Variants in IMMP2L observed in about 807,000 individuals in gnomAD.
IMMP2L encodes the protein inner mitochondrial membrane peptidase subunit 2.
IMMP2L carries 18 observed loss-of-function variants against 19.3 expected under a neutral mutation model. That is an observed-to-expected ratio of 0.93 (90% CI 0.64 to 1.38). The LOEUF is 1.38. Ranked by LOEUF, IMMP2L falls within the 40% of genes most tolerant of loss-of-function variation. The pLI is 0.00. For synonymous variants in IMMP2L, 76 were observed against 73.0 expected, an observed-to-expected ratio of 1.04 and a Z score of -0.21; for missense variants, 233 against 218.2, an observed-to-expected ratio of 1.07 and a Z score of -0.43.
At chr7:110,703,056 A>ACTATAATGTTG (rs1293791353) in intron 5 of IMMP2L, among the ~76,000 whole-genome samples, 1 of 152,206 alleles carries the variant, frequency 6.6e-6, no homozygotes, top group Non-Finnish European at 1.5e-5. Flanking sequence ...ATCATGATTA[A>ACTATAATGTTG]CTATAATGTT....
At chr7:111,412,055 C>T (rs188177998) in intron 3 of IMMP2L, among the ~76,000 whole-genome samples, 2 of 151,662 alleles carry the variant, frequency 1.3e-5, no homozygotes. Context: ...CAAAATTGGT[C>T]ATCAAAGGGA....
intron 3 of IMMP2L, chr7:111,124,629 A>T (rs1373392070): frequency 1.9e-6 from 3 of 1,613,926 alleles, no homozygotes; most frequent in Non-Finnish European, 2.5e-6. Context: ...CTGATCAAAA[A>T]GAGTATGAAA....
In IMMP2L at chr7:111,171,922, G is replaced by GT. The variant is rs1038707214; in HGVS notation, c.240-208358_240-208357insA. 3.2e-4 allele frequency among the ~76,000 whole-genome samples: 5 copies of GT among 15,760 alleles called. No homozygotes were observed. The Non-Finnish European group carries it at 4.4e-3, about 14-fold the overall frequency. The allele number at this position is 15,760 out of a possible 152,430, so 10.3% of individuals were successfully genotyped here. On this transcript the variant is annotated intron_variant, in intron 3 of 5. Transcript: ENST00000405709. ...GGGGCTAAGTAATAAGATGTGGTTA[G>GT]GGGTGAAGAAAGGAATAACTTGAAA...
chr7:111,124,985 A>AG (rs1801140486), intron 3 of IMMP2L: 2 of 959,526 alleles, frequency 2.1e-6, no homozygotes, highest in East Asian at 5.3e-5. Flanking sequence ...AACAAAACAA[A>AG]CAAACAAACA....
intron 3 of IMMP2L, among the ~76,000 whole-genome samples, chr7:111,224,050 T>C (rs1035735912): frequency 6.6e-6 from 1 of 152,062 alleles, no homozygotes; most frequent in Non-Finnish European, 1.5e-5. Context: ...AGCATCTCAA[T>C]TCTGTTCTGC....
intron 3 of IMMP2L, among the ~76,000 whole-genome samples, chr7:111,062,759 A>G (rs1008033168): frequency 6.6e-5 from 10 of 152,238 alleles, no homozygotes; most frequent in Non-Finnish European, 1.3e-4. Context: ...CCAGCAGAGC[A>G]GTCACATCTT....
intron 5 of IMMP2L, among the ~76,000 whole-genome samples, chr7:110,857,793 A>C (rs1389623502): frequency 2.6e-5 from 4 of 152,068 alleles, no homozygotes; most frequent in Non-Finnish European, 5.9e-5. Context: ...CTTGATTAAG[A>C]TGGGTTTCAA....
intron 5 of IMMP2L, among the ~76,000 whole-genome samples, chr7:110,856,808 G>A (rs1336642595): frequency 6.6e-6 from 1 of 151,990 alleles, no homozygotes; most frequent in Non-Finnish European, 1.5e-5. Context: ...AGTAGTTTAG[G>A]CTTCCTAAAT....
chr7:111,159,366 G>A (rs908650261), intron 3 of IMMP2L, among the ~76,000 whole-genome samples: 6 of 151,924 alleles, frequency 3.9e-5, no homozygotes, highest in Admixed American at 1.3e-4. Flanking sequence ...CACCCACCTC[G>A]GCCTCCCAAA....
At chr7:111,480,877 G>T (rs561760426) in intron 3 of IMMP2L, among the ~76,000 whole-genome samples, 7 of 152,146 alleles carry the variant, frequency 4.6e-5, no homozygotes, top group Non-Finnish European at 1.0e-4. Flanking sequence ...GCCAAAACAT[G>T]AAATTCCATT....
At chr7:111,501,930 C>A (rs1415178163) in intron 2 of IMMP2L, among the ~76,000 whole-genome samples, 1 of 152,110 alleles carries the variant, frequency 6.6e-6, no homozygotes, top group African/African-American at 2.4e-5. Flanking sequence ...AGCAAAATAA[C>A]CAGCTAACAT....
intron 5 of IMMP2L, among the ~76,000 whole-genome samples, chr7:110,809,550 A>G (rs554489923): frequency 6.6e-6 from 1 of 152,126 alleles, no homozygotes; most frequent in South Asian, 2.1e-4. Flanking sequence ...AAGTTACCTA[A>G]AAGACTATGT....
chr7:110,836,988 T>C (rs774159852), intron 5 of IMMP2L, among the ~76,000 whole-genome samples: 3 of 152,138 alleles, frequency 2.0e-5, no homozygotes, highest in Non-Finnish European at 4.4e-5. Flanking sequence ...AAGATACCTT[T>C]TGAATCAGTA....
chr7:111,422,444 G>A (rs949865209), intron 3 of IMMP2L, among the ~76,000 whole-genome samples: 6 of 151,670 alleles, frequency 4.0e-5, no homozygotes, highest in African/African-American at 1.5e-4. Context: ...CACATCCCTT[G>A]GAAGTTGGAT....
At chr7:111,266,334 G>A (rs2130029054) in intron 3 of IMMP2L, among the ~76,000 whole-genome samples, 1 of 152,160 alleles carries the variant, frequency 6.6e-6, no homozygotes, top group South Asian at 2.1e-4. Flanking sequence ...CTTGAGGTCA[G>A]GAGTTGAAGA....
intron 3 of IMMP2L, among the ~76,000 whole-genome samples, chr7:111,472,562 C>A (rs1458622828): frequency 6.6e-6 from 1 of 152,062 alleles, no homozygotes; most frequent in Non-Finnish European, 1.5e-5. Flanking sequence ...TAATTGTAAC[C>A]AACCAAAATA....
At chr7:111,547,565 A>G (rs561758891) in intron 1 of IMMP2L, among the ~76,000 whole-genome samples, 1 of 116,766 alleles carries the variant, frequency 8.6e-6, no homozygotes, top group East Asian at 2.9e-4. Context: ...TTATTTATTT[A>G]GGTTGGGGGA....
In IMMP2L at chr7:111,425,885, T is replaced by C. The variant is rs1050450115; in HGVS notation, c.239+61353A>G. On this transcript the variant is annotated intron_variant, in intron 3 of 5. Coordinates refer to ENST00000405709, the MANE Select transcript of IMMP2L (RefSeq NM_032549.4). Reference sequence around the variant, plus strand: ...AAAATCTTGCTAAATTAATCAAACATATAATTTATTCATCTACTCCTTCAT... The same window carrying C: ...AAAATCTTGCTAAATTAATCAAACACATAATTTATTCATCTACTCCTTCAT... Among the ~76,000 whole-genome samples, 23 of 151,342 alleles carry C rather than the reference T, an allele frequency of 1.5e-4. 2 individuals carry two copies. The highest frequency in any genetic ancestry group is 5.1e-4 in the African/African-American group (21 of 41,218).
chr7:111,061,284 T>C (rs1388229749), intron 3 of IMMP2L, among the ~76,000 whole-genome samples: 2 of 152,114 alleles, frequency 1.3e-5, no homozygotes, highest in East Asian at 1.9e-4. Context: ...TAGTGAGCCA[T>C]ATATACTAGT....
Sources: gnomAD v4.1 joint callset for allele counts (sites outside exome capture counted in the v4.1 genomes callset) on GRCh38, gnomAD v4.1.1 for gene constraint, MANE v1.5 for transcripts, NCBI Gene and HGNC (gene_info 2026-07-23, HGNC 2026-07-21) for gene names.